The following DIP2C variants were observed in gnomAD, a reference collection of about 807,000 sequenced individuals.
DIP2C encodes the protein disco-interacting protein 2 homolog C.
In DIP2C, 33 loss-of-function variants were observed where a neutral mutation model predicts 192.4. The observed-to-expected ratio is 0.17, with a 90% CI of 0.13 to 0.23. The LOEUF is 0.23. Ranked by LOEUF, DIP2C falls within the 10% of genes least tolerant of loss-of-function variation. DIP2C has a pLI of 1.00. For synonymous variants in DIP2C, 979 were observed against 864.1 expected (o/e 1.13, Z -2.33); for missense variants, 1,537 against 2,110.1 (o/e 0.73, Z 5.32).
chr10:620,261 G>A (rs1346906983), intron 1 of DIP2C, among the ~76,000 whole-genome samples: 3 of 152,090 alleles, frequency 2.0e-5, no homozygotes, highest in Non-Finnish European at 4.4e-5. Flanking sequence ...TCTTACAACT[G>A]CAGTGATACT....
intron 1 of DIP2C, among the ~76,000 whole-genome samples, chr10:618,654 A>T (rs1175263937): frequency 2.6e-5 from 4 of 152,246 alleles, no homozygotes; most frequent in Non-Finnish European, 4.4e-5. Context: ...TTATGCAACA[A>T]AGTTAAAAGA....
chr10:624,915 C>A (rs917036276), intron 1 of DIP2C, among the ~76,000 whole-genome samples: 1 of 152,148 alleles, frequency 6.6e-6, no homozygotes, highest in East Asian at 1.9e-4. Context: ...GTGGGCCCCA[C>A]GAGCAAACGA....
chr10:439,423 A>AC (rs1967546668), intron 4 of DIP2C, among the ~76,000 whole-genome samples: 1 of 136,098 alleles, frequency 7.3e-6, no homozygotes, highest in South Asian at 2.1e-4. Context: ...TAAATGAAAA[A>AC]CAACAACAAC....
At chr10:502,490 T>C (rs1588316510) in intron 1 of DIP2C, among the ~76,000 whole-genome samples, 1 of 152,092 alleles carries the variant, frequency 6.6e-6, no homozygotes, top group East Asian at 1.9e-4. Context: ...AGCTTCTATG[T>C]TAAACTCAAA....
At chr10:422,641 G>T (rs1444015055) in intron 5 of DIP2C, among the ~76,000 whole-genome samples, 183 bp downstream of exon 5, 1 of 152,210 alleles carries the variant, frequency 6.6e-6, no homozygotes, top group Non-Finnish European at 1.5e-5. Flanking sequence ...GCTGTGGGAG[G>T]GACCTGGGCA....
chr10:287,669 G>GAAAAAAA (rs34102226), intron 33 of DIP2C, among the ~76,000 whole-genome samples: 1 of 124,044 alleles, frequency 8.1e-6, no homozygotes, highest in Non-Finnish European at 1.7e-5. Flanking sequence ...GGCCGAAACG[G>GAAAAAAA]AAAAAAAAAA....
chr10:449,782 T>A (rs57947322), intron 3 of DIP2C, among the ~76,000 whole-genome samples: 21,077 of 126,920 alleles, frequency 0.17, 4,131 homozygotes, highest in African/African-American at 0.48. Context: ...AAAGTATAAT[T>A]AAAAAAAAAA....
At chr10:587,721 T>G (rs1356152508) in intron 1 of DIP2C, among the ~76,000 whole-genome samples, 4 of 110,000 alleles carry the variant, frequency 3.6e-5, no homozygotes, top group Non-Finnish European at 3.6e-5. Flanking sequence ...CTGACCCTCC[T>G]GAAACCCCAC....
At chr10:557,918 A>AGGCAGGCAGGC (rs1848995805) in intron 1 of DIP2C, among the ~76,000 whole-genome samples, 1 of 107,716 alleles carries the variant, frequency 9.3e-6, no homozygotes, top group African/African-American at 4.3e-5. Flanking sequence ...GGGGGCGGGG[A>AGGCAGGCAGGC]AGGGGGAAAC....
chr10:308,363 AT>A (rs1333098444), intron 32 of DIP2C, among the ~76,000 whole-genome samples: 1 of 151,848 alleles, frequency 6.6e-6, no homozygotes, highest in African/African-American at 2.4e-5. Flanking sequence ...TCTCACTTCC[AT>A]TTCAGATGCT....
intron 1 of DIP2C, among the ~76,000 whole-genome samples, chr10:577,439 T>C (rs986078273): frequency 6.6e-6 from 1 of 152,246 alleles, no homozygotes; most frequent in African/African-American, 2.4e-5. Flanking sequence ...TTGTGTGTAC[T>C]TTCTCATGCT....
intron 1 of DIP2C, among the ~76,000 whole-genome samples, chr10:591,344 C>T (rs1851393609): frequency 6.6e-6 from 1 of 152,152 alleles, no homozygotes; most frequent in South Asian, 2.1e-4. Flanking sequence ...AGGCTGGTCT[C>T]AAACTCCTGA....
chr10:336,052 TAC>T (rs990720534), intron 29 of DIP2C, among the ~76,000 whole-genome samples: 1 of 151,902 alleles, frequency 6.6e-6, no homozygotes, highest in Non-Finnish European at 1.5e-5. Context: ...CGCACACCAC[TAC>T]ACCCGGCTAA....
At chr10:279,581 C>A (rs1954704694) in intron 36 of DIP2C, among the ~76,000 whole-genome samples, 1 of 152,248 alleles carries the variant, frequency 6.6e-6, no homozygotes, top group Non-Finnish European at 1.5e-5. Flanking sequence ...TGGAGAGTCC[C>A]ATTCCACAGC....
chr10:522,301 G>A (rs1053193301), intron 1 of DIP2C, among the ~76,000 whole-genome samples: 2 of 152,194 alleles, frequency 1.3e-5, no homozygotes, highest in African/African-American at 2.4e-5. Flanking sequence ...AGTTTCTGAT[G>A]TACCACAGTT....
At chr10:414,762 GTATATATATAA>G (rs1965486379) in intron 7 of DIP2C, among the ~76,000 whole-genome samples, 5 of 53,288 alleles carry the variant, frequency 9.4e-5, no homozygotes, top group Admixed American at 2.1e-4. Flanking sequence ...TATATAATGT[GTATATATATAA>G]TGTGTATATA....
At chr10:332,174 A>G (rs561357234) in intron 29 of DIP2C, among the ~76,000 whole-genome samples, 3 of 152,248 alleles carry the variant, frequency 2.0e-5, no homozygotes, top group Non-Finnish European at 2.9e-5. Flanking sequence ...CTGGTCTTGA[A>G]CGCCTAGGTT....
chr10:668,515 A>G (rs995827526), intron 1 of DIP2C: 3 of 152,186 alleles, frequency 2.0e-5, no homozygotes, highest in Non-Finnish European at 4.4e-5. Flanking sequence ...TACAACATAC[A>G]AAACATACAA....
At chr10:345,488 C>T (rs932524445) in intron 26 of DIP2C, among the ~76,000 whole-genome samples, 6 of 149,528 alleles carry the variant, frequency 4.0e-5, no homozygotes, top group Admixed American at 6.7e-5. Flanking sequence ...AGGCACATCG[C>T]GCACAGTTCT....
Sources: gnomAD v4.1 joint callset for allele counts (sites outside exome capture counted in the v4.1 genomes callset) on GRCh38, gnomAD v4.1.1 for gene constraint, MANE v1.5 for transcripts, NCBI Gene and HGNC (gene_info 2026-07-23, HGNC 2026-07-21) for gene names.